The following ANKRD34A variants were observed in gnomAD, a reference collection of about 807,000 sequenced individuals.
ANKRD34A encodes the protein ankyrin repeat domain 34A.
A neutral mutation model predicts 27.1 loss-of-function variants in ANKRD34A; 7 were observed. The observed-to-expected ratio is 0.26, with a 90% confidence interval of 0.15 to 0.49. The LOEUF is 0.49. ANKRD34A is among the 20% of genes least tolerant of loss of function. The pLI is 0.99. For missense variants in ANKRD34A, 472 were observed against 682.1 expected (o/e 0.69, Z 3.43); for synonymous variants, 301 against 300.8 (o/e 1.00, Z -0.01).
Position 145,963,497 on chromosome 1 carries a change from T to C in ANKRD34A, c.-856A>G, listed in dbSNP as rs1649878311. The C allele has an allele frequency of 6.6e-6, 1 of 152,372 alleles. No individual in the cohort carries two copies. The highest frequency in any genetic ancestry group is 2.1e-4 in the South Asian group (1 of 4,832). 9.4% of individuals were successfully genotyped at this position (152,372 alleles called of 1,614,324 possible). ...ACCTGCCCTGTCTCCATGGTTACCA[T>C]AGCTTCCATCCACATATTTTAGGAA... On this transcript the variant is annotated 5_prime_UTR_variant, in exon 2 of 4. The change abolishes an upstream ATG in the 5' untranslated region. Coordinates refer to ENST00000606888, the MANE Select transcript of ANKRD34A (RefSeq NM_001039888.4).
rs782083309 is a variant in ANKRD34A at position 145,960,308 on chromosome 1, GC to G, written c.1451del (p.Gly484AlafsTer5). ...MQTEQIRLLG[G>X]FQSLGGPGEP... ...CCCCAGGCCCACCTAGACTCTGGAA[GC>G]CCCCCAGCAGGCGGATCTGCTCAGT... On this transcript the variant is annotated frameshift_variant, in exon 4 of 4. Transcript: ENST00000606888. LOFTEE classifies it high-confidence loss of function. This position sits in a 1 kb window ranked among gnomAD's most constrained non-coding sequence, Gnocchi z 5.5. 1.5e-5 allele frequency: 23 copies of G among 1,582,152 alleles called. No homozygotes were observed. Among genetic ancestry groups the G allele is most frequent in the African/African-American group, 6.8e-5 (5 of 73,812 alleles).
In ANKRD34A at chr1:145,961,573, G is replaced by A; in HGVS notation, c.187C>T (p.Leu63Phe). 6.2e-7 allele frequency: 1 copy of A among 1,604,212 alleles called. No individual in the cohort carries two copies. The highest frequency in any genetic ancestry group is 8.5e-7 in the Non-Finnish European group (1 of 1,175,296). Residue 63 changes from leucine to phenylalanine, a missense_variant, in exon 4 of 4, where the codon CTC (leucine) becomes TTC (phenylalanine). Leu to Phe is a conservative substitution (Grantham distance 22). Coordinates refer to ENST00000606888, the MANE Select transcript of ANKRD34A (RefSeq NM_001039888.4). The surrounding 1 kb of genome is among the most constrained non-coding windows in gnomAD (Gnocchi z 9.5). ...PQNKARMVRY[L>F]LEQGADPNIA... ...TTGGGGTCCGCGCCTTGCTCCAGGAGGTAGCGTACCATGCGTGCCTTGTTC... is the reference window on the plus strand; with the variant it reads ...TTGGGGTCCGCGCCTTGCTCCAGGAAGTAGCGTACCATGCGTGCCTTGTTC...
Position 145,961,398 on chromosome 1 carries a change from C to T in ANKRD34A, c.362G>A (p.Arg121His), listed in dbSNP as rs1553761383. Reference protein sequence around the residue: ...GASALVHALDRGDRETLATLL... With the variant: ...GASALVHALDHGDRETLATLL... ...TGTGGCAAGGGTCTCGCGGTCCCCG[C>T]GGTCCAGGGCGTGGACAAGAGCCGA... Residue 121 changes from arginine to histidine, a missense_variant, in exon 4 of 4, where the codon CGC becomes CAC. Transcript: ENST00000606888. This position sits in a 1 kb window ranked among gnomAD's most constrained non-coding sequence, Gnocchi z 9.5. 6.2e-7 allele frequency: 1 copy of T among 1,613,370 alleles called. No homozygotes were observed. Among genetic ancestry groups the T allele is most frequent in the East Asian group, 2.2e-5 (1 of 44,880 alleles).
At position 145,961,791 on chromosome 1, in the gene ANKRD34A, C is replaced by T. The variant is rs1553761456; in HGVS notation, c.-32G>A. 1.3e-6 allele frequency: 2 copies of T among 1,586,878 alleles called. No individual in the cohort carries two copies. The stretch of plus-strand genomic sequence containing the variant: ...GGCTGGGGCGAGGGCACAGATGGAG[C>T]CGGGACTGAGACCTGCCGAGGATGA... On this transcript the variant is annotated 5_prime_UTR_variant, in exon 4 of 4. Transcript: ENST00000606888. The surrounding 1 kb of genome is among the most constrained non-coding windows in gnomAD (Gnocchi z 9.5).
Position 145,960,534 on chromosome 1 carries a change from G to T in ANKRD34A, c.1226C>A (p.Ser409Ter). 1 of 1,587,722 alleles carries T rather than the reference G, an allele frequency of 6.3e-7. No homozygotes were observed. ...GATGTGGTCCAGGAGCAACGTCCCC[G>T]AGCCCCTCCGCTCCAGCAGCCCCGG... ...RSPGLLERRG[S>*]GTLLLDHISQ... The change falls in exon 4 of 4, where the codon TCG becomes TAG. Residue 409 changes from serine to a stop codon, truncating the protein, a stop_gained. Transcript: ENST00000606888. LOFTEE classifies it high-confidence loss of function. The surrounding 1 kb of genome is among the most constrained non-coding windows in gnomAD (Gnocchi z 5.5).
In ANKRD34A at chr1:145,960,809, T is replaced by G. The variant is rs1295739036; in HGVS notation, c.951A>C (p.Ala317=). The change falls in exon 4 of 4, where the codon GCA becomes GCC. Residue 317 remains alanine (A), a synonymous_variant. Coordinates refer to ENST00000606888, the MANE Select transcript of ANKRD34A (RefSeq NM_001039888.4). This position sits in a 1 kb window ranked among gnomAD's most constrained non-coding sequence, Gnocchi z 5.5. ...GGGGACCAGACTCCTGAGCTTCTGGTGCTGTGTTTCGGCGAGAGAGAGGAC... is the reference window on the plus strand; with the variant it reads ...GGGGACCAGACTCCTGAGCTTCTGGGGCTGTGTTTCGGCGAGAGAGAGGAC... ...SGGPLSRRNT[A]PEAQESGPPS... The G allele has an allele frequency of 6.2e-7, 1 of 1,614,164 alleles. No homozygotes were observed. Among genetic ancestry groups the G allele is most frequent in the Non-Finnish European group, 8.5e-7 (1 of 1,180,026 alleles).
rs1202844033 is a variant in ANKRD34A at position 145,959,584 on chromosome 1, G to A, written c.*685C>T. ...CCCATGACCCACCCCCTGGGAAAATGAGACAATCTGTTGTAGTTGTTGGAG... is the reference window on the plus strand; with the variant it reads ...CCCATGACCCACCCCCTGGGAAAATAAGACAATCTGTTGTAGTTGTTGGAG... On this transcript the variant is annotated 3_prime_UTR_variant, in exon 4 of 4. Transcript: ENST00000606888. 1 of 167,202 alleles carries A rather than the reference G, an allele frequency of 6.0e-6. No homozygotes were observed. The highest frequency in any genetic ancestry group is 1.5e-5 in the Non-Finnish European group (1 of 68,156). 10.4% of individuals were successfully genotyped at this position (167,202 alleles called of 1,614,324 possible).
Position 145,963,549 on chromosome 1 carries a change from C to T in ANKRD34A, c.-896-12G>A. ...GAGTTTGTGTCCAGCTGGAAGGCAC[C>T]AAGGGAAGTGGGAGAAAAAGAAAAA... is the stretch of plus-strand genomic sequence containing the variant. On this transcript the variant is annotated splice_polypyrimidine_tract_variant and intron_variant, in intron 1 of 3. Coordinates refer to ENST00000606888, the MANE Select transcript of ANKRD34A (RefSeq NM_001039888.4). The T allele has an allele frequency of 6.6e-6, 1 of 152,156 alleles. No individual in the cohort carries two copies. The highest frequency in any genetic ancestry group is 1.5e-5 in the Non-Finnish European group (1 of 68,010). The allele number at this position is 152,156 out of a possible 1,614,324, so 9.4% of individuals were successfully genotyped here. A position where few individuals can be genotyped will look rare whatever the true frequency, so the allele number is the denominator to read the frequency against.
chr1:145,961,457 G>C lies in ANKRD34A; in HGVS notation c.303C>G (p.Gly101=), dbSNP rs1173022118. 9 of 1,596,506 alleles carry C rather than the reference G, an allele frequency of 5.6e-6. No individual in the cohort carries two copies. Among genetic ancestry groups the C allele is most frequent in the Non-Finnish European group, 7.7e-6 (9 of 1,170,738 alleles). Residue 101 remains glycine, a synonymous_variant, in exon 4 of 4, where the codon GGC becomes GGG. Coordinates refer to ENST00000606888, the MANE Select transcript of ANKRD34A (RefSeq NM_001039888.4). This position sits in a 1 kb window ranked among gnomAD's most constrained non-coding sequence, Gnocchi z 9.5. ...CGTGATCTCGGACTGAGGGGTCTGCGCCGTGGGCAAGGAGCAGCGAGGCCA... is the reference window on the plus strand; with the variant it reads ...CGTGATCTCGGACTGAGGGGTCTGCCCCGTGGGCAAGGAGCAGCGAGGCCA... ...AAVASLLLAH[G]ADPSVRDHAG...
chr1:145,961,614 C>G lies in ANKRD34A; in HGVS notation c.146G>C (p.Arg49Pro), dbSNP rs1377007769. The change falls in exon 4 of 4, where the codon CGC becomes CCC. Residue 49 changes from arginine to proline, a missense_variant. This residue lies in a region of ANKRD34A where 118 missense variants were observed against 253.6 expected (regional missense o/e 0.47). Transcript: ENST00000606888. The surrounding 1 kb of genome is among the most constrained non-coding windows in gnomAD (Gnocchi z 9.5). ...TGCCTTGTTCTGGGGGTCGTCGTAG[C>G]GGGCCCGACAGGCTGCCATTAGCGC... is the stretch of plus-strand genomic sequence containing the variant. ...ETALMAACRARYDDPQNKARM... is the reference protein window; with the variant it reads ...ETALMAACRAPYDDPQNKARM... 1 of 1,611,708 alleles carries G rather than the reference C, an allele frequency of 6.2e-7. No individual in the cohort carries two copies. The highest frequency in any genetic ancestry group is 8.5e-7 in the Non-Finnish European group (1 of 1,178,792).
Position 145,960,701 on chromosome 1 carries a change from C to T in ANKRD34A, c.1059G>A (p.Glu353=). 1 of 1,611,552 alleles carries T rather than the reference C, an allele frequency of 6.2e-7. No individual in the cohort carries two copies. The highest frequency in any genetic ancestry group is 8.5e-7 in the Non-Finnish European group (1 of 1,178,540). ...TPGHLCPDSP[E]SSRLSLERRR... is the part of the protein sequence containing the mutation. ...GGCGCTCCAGGGACAGGCGGCTGGA[C>T]TCAGGCGAGTCAGGGCAAAGGTGTC... is the stretch of plus-strand genomic sequence containing the variant. Residue 353 remains glutamate, a synonymous_variant, in exon 4 of 4, where the codon GAG becomes GAA. Coordinates refer to ENST00000606888, the MANE Select transcript of ANKRD34A (RefSeq NM_001039888.4). This position sits in a 1 kb window ranked among gnomAD's most constrained non-coding sequence, Gnocchi z 5.5.
In ANKRD34A at chr1:145,961,495, C is replaced by G. The variant is rs1210693590; in HGVS notation, c.265G>C (p.Gly89Arg). The G allele has an allele frequency of 6.4e-7, 1 of 1,573,800 alleles. No homozygotes were observed. The highest frequency in any genetic ancestry group is 8.6e-7 in the Non-Finnish European group (1 of 1,160,424). The change falls in exon 4 of 4, where the codon GGG becomes CGG. Residue 89 changes from glycine (G) to arginine (R), a missense_variant. Physicochemically the swap from Gly to Arg is moderately radical, Grantham distance 125 (BLOSUM62 -2). Around this residue, in one of 4 missense-constraint regions of ANKRD34A, gnomAD observed 118 missense variants for 253.6 expected, o/e 0.47. Coordinates refer to ENST00000606888, the MANE Select transcript of ANKRD34A (RefSeq NM_001039888.4). The surrounding 1 kb of genome is among the most constrained non-coding windows in gnomAD (Gnocchi z 9.5). ...TALMHACAGGGGAAVASLLLA... is the reference protein window; with the variant it reads ...TALMHACAGGRGAAVASLLLA... The stretch of plus-strand genomic sequence containing the variant: ...AGCAGCGAGGCCACCGCGGCGCCCC[C>G]ACCCCCGGCGCAAGCGTGCATGAGC...
Position 145,960,865 on chromosome 1 carries a change from G to A in ANKRD34A, c.895C>T (p.Pro299Ser). The A allele has an allele frequency of 6.2e-7, 1 of 1,614,242 alleles. No homozygotes were observed. Among genetic ancestry groups the A allele is most frequent in the Non-Finnish European group, 8.5e-7 (1 of 1,180,044 alleles). Reference sequence around the variant, plus strand: ...CTAGTCACTTTCTCCGCCCATGGGGGCGGGTCCTCAGGGCCTTCGGTGCTG... The same window carrying A: ...CTAGTCACTTTCTCCGCCCATGGGGACGGGTCCTCAGGGCCTTCGGTGCTG... ...RHSTEGPEDP[P>S]PWAEKVTSGG... Residue 299 changes from proline to serine, a missense_variant, in exon 4 of 4, where the codon CCC becomes TCC. Physicochemically the swap from Pro to Ser is moderately conservative, Grantham distance 74. Coordinates refer to ENST00000606888, the MANE Select transcript of ANKRD34A (RefSeq NM_001039888.4). This position sits in a 1 kb window ranked among gnomAD's most constrained non-coding sequence, Gnocchi z 5.5.
rs782762428 is a variant in ANKRD34A, at chr1:145,960,761, C to T, written c.999G>A (p.Leu333=). Residue 333 remains leucine, a synonymous_variant, in exon 4 of 4, where the codon CTG becomes CTA. Coordinates refer to ENST00000606888, the MANE Select transcript of ANKRD34A (RefSeq NM_001039888.4). The surrounding 1 kb of genome is among the most constrained non-coding windows in gnomAD (Gnocchi z 5.5). ...SGPPSGLRQK[L]SRMEPVELDT... Reference sequence around the variant, plus strand: ...CCAGCTCCACTGGCTCCATGCGGCTCAGTTTCTGCCTCAGCCCTGAAGGGG... The same window carrying T: ...CCAGCTCCACTGGCTCCATGCGGCTTAGTTTCTGCCTCAGCCCTGAAGGGG... The T allele has an allele frequency of 1.9e-6, 3 of 1,614,244 alleles. No individual in the cohort carries two copies. Among genetic ancestry groups the T allele is most frequent in the East Asian group, 4.5e-5 (2 of 44,880 alleles).
chr1:145,960,733 T>C lies in ANKRD34A; in HGVS notation c.1027A>G (p.Thr343Ala). ...LSRMEPVELD[T>A]PGHLCPDSPE... The stretch of plus-strand genomic sequence containing the variant: ...GAGTCAGGGCAAAGGTGTCCAGGGG[T>C]GTCCAGCTCCACTGGCTCCATGCGG... The change falls in exon 4 of 4, where the codon ACC (threonine) becomes GCC (alanine). Residue 343 changes from threonine to alanine, a missense_variant. Thr to Ala is a moderately conservative substitution (Grantham distance 58). Transcript: ENST00000606888. The surrounding 1 kb of genome is among the most constrained non-coding windows in gnomAD (Gnocchi z 5.5). The C allele has an allele frequency of 1.2e-6, 2 of 1,613,716 alleles. No individual in the cohort carries two copies. The highest frequency in any genetic ancestry group is 1.7e-6 in the Non-Finnish European group (2 of 1,179,930).
At position 145,961,885 on chromosome 1, in the gene ANKRD34A, A is replaced by T; in HGVS notation, c.-120-6T>A. On this transcript the variant is annotated splice_polypyrimidine_tract_variant and splice_region_variant and intron_variant, in intron 3 of 3. Transcript: ENST00000606888. The surrounding 1 kb of genome is among the most constrained non-coding windows in gnomAD (Gnocchi z 9.5). ...CTCAGTGACGAAGCCGATCCCTGCA[A>T]GAGAGACATCTCATTGATAGATTCG... The T allele has an allele frequency of 9.0e-7, 1 of 1,108,874 alleles. No homozygotes were observed. The highest frequency in any genetic ancestry group is 1.2e-6 in the Non-Finnish European group (1 of 800,090). 68.7% of individuals were successfully genotyped at this position (1,108,874 alleles called of 1,614,324 possible).
In ANKRD34A at chr1:145,960,772, TC is replaced by T; in HGVS notation, c.987del (p.Arg330GlyfsTer4). ...GGCTCCATGCGGCTCAGTTTCTGCC[TC>T]AGCCCTGAAGGGGGACCAGACTCCT... Reference protein sequence around the residue: ...EAQESGPPSGLRQKLSRMEPV... With the variant: ...EAQESGPPSGXRQKLSRMEPV... On this transcript the variant is annotated frameshift_variant, in exon 4 of 4. Transcript: ENST00000606888. LOFTEE classifies it high-confidence loss of function. This position sits in a 1 kb window ranked among gnomAD's most constrained non-coding sequence, Gnocchi z 5.5. The T allele has an allele frequency of 6.2e-7, 1 of 1,614,238 alleles. No individual in the cohort carries two copies. Among genetic ancestry groups the T allele is most frequent in the Non-Finnish European group, 8.5e-7 (1 of 1,180,038 alleles).
rs377064675 is a variant in ANKRD34A at position 145,960,268 on chromosome 1, C to G, written c.*1G>C. ...ACCCTCCTTGGCTCCTCTCACTCCTCTCAGCGCCCTGGCTCCCCAGGCCCA... is the reference window on the plus strand; with the variant it reads ...ACCCTCCTTGGCTCCTCTCACTCCTGTCAGCGCCCTGGCTCCCCAGGCCCA... On this transcript the variant is annotated 3_prime_UTR_variant, in exon 4 of 4. Transcript: ENST00000606888. The surrounding 1 kb of genome is among the most constrained non-coding windows in gnomAD (Gnocchi z 5.5). 1.2e-4 allele frequency: 177 copies of G among 1,522,042 alleles called. 1 individual carries two copies. The highest frequency in any genetic ancestry group is 1.4e-4 in the Non-Finnish European group (157 of 1,134,514). 94.3% of individuals were successfully genotyped at this position (1,522,042 alleles called of 1,614,324 possible).
At position 145,960,477 on chromosome 1, in the gene ANKRD34A, A is replaced by G. The variant is rs1470710446; in HGVS notation, c.1283T>C (p.Leu428Pro). ...GATGGGAGGGTGGGGACTGACGTTG[A>G]GAGGGGGTAGGAAACCCGGCCGCGT... Reference protein sequence around the residue: ...SQTRPGFLPPLNVSPHPPIPD... With the variant: ...SQTRPGFLPPPNVSPHPPIPD... The change falls in exon 4 of 4, where the codon CTC (leucine) becomes CCC (proline). Residue 428 changes from leucine to proline, a missense_variant. Leu to Pro is a moderately conservative substitution (Grantham distance 98, BLOSUM62 -3). Coordinates refer to ENST00000606888, the MANE Select transcript of ANKRD34A (RefSeq NM_001039888.4). This position sits in a 1 kb window ranked among gnomAD's most constrained non-coding sequence, Gnocchi z 5.5. 2 of 1,604,128 alleles carry G rather than the reference A, an allele frequency of 1.2e-6. No homozygotes were observed. The highest frequency in any genetic ancestry group is 1.7e-6 in the Non-Finnish European group (2 of 1,175,044).
Sources: gnomAD v4.1 joint callset for allele counts on GRCh38, gnomAD v4.1.1 for gene constraint, gnomAD v4.1.1 regional missense constraint, Gnocchi (gnomAD v3.1) non-coding constraint, MANE v1.5 for transcripts, NCBI Gene and HGNC (gene_info 2026-07-23, HGNC 2026-07-21) for gene names.